LRP1B: variants seen among roughly 807,000 people sequenced by gnomAD.
The protein encoded by LRP1B is LDL receptor related protein 1B.
Under a neutral mutation model 556.6 loss-of-function variants are expected in LRP1B, and 217 were observed. That is an observed-to-expected ratio of 0.39 (90% confidence interval 0.35 to 0.44). The LOEUF is 0.44. LRP1B is among the 20% of genes least tolerant of loss of function. The pLI is 1.00. For synonymous variants in LRP1B, 2,047 were observed against 1,865.8 expected (o/e 1.10, Z -2.50); for missense variants, 5,053 against 5,620.8 (o/e 0.90, Z 3.23).
intron 31 of LRP1B, among the ~76,000 whole-genome samples, chr2:140,829,208 A>G (rs1691631230): frequency 6.6e-6 from 1 of 152,188 alleles, no homozygotes; most frequent in African/African-American, 2.4e-5. Context: ...CCTCACTCTC[A>G]GTAATTGACA....
rs2104917490 is a variant in LRP1B at position 140,510,026 on chromosome 2, C to G, written c.8300G>C (p.Ser2767Thr). 1 of 1,613,888 alleles carries G rather than the reference C, an allele frequency of 6.2e-7. No individual in the cohort carries two copies. The highest frequency in any genetic ancestry group is 8.5e-7 in the Non-Finnish European group (1 of 1,180,008). The change falls in exon 52 of 91, where the codon AGC becomes ACC. Residue 2767 changes from serine to threonine, a missense_variant. Physicochemically the swap from Ser to Thr is moderately conservative, Grantham distance 58. Transcript: ENST00000389484. The stretch of plus-strand genomic sequence containing the variant: ...CACGCAGGCACGAGAGCCCTGGCAG[C>G]TGAACATGTCAGCAGCACAGGTTAT... ...GAITCAADMF[S>T]CQGSRACVPR... is the part of the protein sequence containing the mutation.
intron 3 of LRP1B, among the ~76,000 whole-genome samples, chr2:141,466,950 G>GATATATATATATATATATAT (rs59093011): frequency 8.8e-4 from 124 of 140,808 alleles, no homozygotes; most frequent in Middle Eastern, 3.7e-3. Flanking sequence ...GTGCTCAGGG[G>GATATATATATATATATATAT]ATATATATAT....
At chr2:140,468,955 C>T (rs746246529) in intron 60 of LRP1B, among the ~76,000 whole-genome samples, 12 of 152,006 alleles carry the variant, frequency 7.9e-5, no homozygotes, top group Admixed American at 3.3e-4. Flanking sequence ...AGCAGGAGAA[C>T]GATAAATCAT....
At chr2:140,995,794 G>A (rs1040205910) in intron 15 of LRP1B, among the ~76,000 whole-genome samples, 1 of 151,938 alleles carries the variant, frequency 6.6e-6, no homozygotes, top group African/African-American at 2.4e-5. Flanking sequence ...TTTTTTCTCT[G>A]CATGTTCCAG....
chr2:140,413,796 G>T (rs1339220849), intron 66 of LRP1B, among the ~76,000 whole-genome samples: 1 of 152,066 alleles, frequency 6.6e-6, no homozygotes, highest in Non-Finnish European at 1.5e-5. Context: ...AGTTTGCAAG[G>T]CTGTCATCTA....
chr2:141,066,668 C>T (rs929952015), intron 7 of LRP1B, among the ~76,000 whole-genome samples: 8 of 151,858 alleles, frequency 5.3e-5, no homozygotes, highest in Non-Finnish European at 1.0e-4. Flanking sequence ...CATGGTCAGT[C>T]CCCGTCCTTA....
chr2:141,256,557 A>T (rs1684473159), intron 3 of LRP1B, among the ~76,000 whole-genome samples: 1 of 152,144 alleles, frequency 6.6e-6, no homozygotes, highest in East Asian at 1.9e-4. Flanking sequence ...AAGATAGTAA[A>T]GGAAGAAAAG....
At position 140,469,333 on chromosome 2, in the gene LRP1B, T is replaced by C. The variant is rs78244941; in HGVS notation, c.9625+5805A>G. On this transcript the variant is annotated intron_variant, in intron 60 of 90. Transcript: ENST00000389484. Reference sequence around the variant, plus strand: ...AAGGACACAGCAACAAGGAACCATCTATGAAGCAGACAGTGAGCCCTTTAC... The same window carrying C: ...AAGGACACAGCAACAAGGAACCATCCATGAAGCAGACAGTGAGCCCTTTAC... 3.4e-3 allele frequency among the ~76,000 whole-genome samples: 524 copies of C among 152,238 alleles called. 8 individuals are homozygous for C. The highest frequency in any genetic ancestry group is 0.012 in the African/African-American group (486 of 41,546).
At chr2:141,562,557 T>A (rs1427714328) in intron 2 of LRP1B, among the ~76,000 whole-genome samples, 1 of 151,960 alleles carries the variant, frequency 6.6e-6, no homozygotes, top group Non-Finnish European at 1.5e-5. Flanking sequence ...CATAGCTCCA[T>A]AATAAGGGCC....
intron 7 of LRP1B, among the ~76,000 whole-genome samples, chr2:141,115,616 C>G (rs984802859): frequency 1.5e-5 from 2 of 134,140 alleles, no homozygotes; most frequent in Non-Finnish European, 3.2e-5. Flanking sequence ...GCCACCATGC[C>G]CGGCTAATTT....
At chr2:140,948,954 AAG>A (rs1695624666) in intron 20 of LRP1B, among the ~76,000 whole-genome samples, 1 of 152,256 alleles carries the variant, frequency 6.6e-6, no homozygotes, top group Non-Finnish European at 1.5e-5. Flanking sequence ...TTTAAAGAGA[AAG>A]AGGGGAAACA....
chr2:142,009,696 G>A (rs1257151732), intron 1 of LRP1B, among the ~76,000 whole-genome samples: 1 of 152,100 alleles, frequency 6.6e-6, no homozygotes. Context: ...ATGATTTTAT[G>A]CTGCATATAT....
At chr2:141,722,391 G>A (rs971299301) in intron 2 of LRP1B, among the ~76,000 whole-genome samples, 2 of 152,028 alleles carry the variant, frequency 1.3e-5, no homozygotes, top group African/African-American at 4.8e-5. Context: ...GGGAAAAAAT[G>A]GTCTGAAGAG....
At chr2:141,601,540 A>G (rs1687738168) in intron 2 of LRP1B, among the ~76,000 whole-genome samples, 1 of 151,930 alleles carries the variant, frequency 6.6e-6, no homozygotes, top group Admixed American at 6.6e-5. Context: ...TCTACCTTTT[A>G]ATACTTGCCA....
intron 1 of LRP1B, among the ~76,000 whole-genome samples, chr2:141,998,922 A>G (rs1180170332): frequency 6.6e-6 from 1 of 152,224 alleles, no homozygotes; most frequent in Non-Finnish European, 1.5e-5. Context: ...ACAAACTGTT[A>G]GTTAATTCCT....
chr2:141,502,615 CTT>C (rs1683761201), intron 2 of LRP1B, among the ~76,000 whole-genome samples: 1 of 152,068 alleles, frequency 6.6e-6, no homozygotes. Context: ...AATCCCAGCA[CTT>C]TGGGAGGCTG....
chr2:141,338,963 A>G (rs1687945603), intron 3 of LRP1B, among the ~76,000 whole-genome samples: 1 of 151,432 alleles, frequency 6.6e-6, no homozygotes, highest in Non-Finnish European at 1.5e-5. Context: ...CCAGCCTGCC[A>G]TTCATAGGAT....
intron 31 of LRP1B, among the ~76,000 whole-genome samples, chr2:140,823,079 T>A (rs1573765976): frequency 6.6e-6 from 1 of 152,190 alleles, no homozygotes; most frequent in African/African-American, 2.4e-5. Flanking sequence ...ATGAAAGATC[T>A]CAATAAGTGC....
chr2:141,093,835 C>T (rs552021012), intron 7 of LRP1B, among the ~76,000 whole-genome samples: 1 of 152,096 alleles, frequency 6.6e-6, no homozygotes. Flanking sequence ...CTGTCTCAGC[C>T]TCCCAAGTAG....
Sources: gnomAD v4.1 joint callset for allele counts (sites outside exome capture counted in the v4.1 genomes callset) on GRCh38, gnomAD v4.1.1 for gene constraint, MANE v1.5 for transcripts, NCBI Gene and HGNC (gene_info 2026-07-23, HGNC 2026-07-21) for gene names.